Variants in NUP58 observed in about 807,000 individuals in gnomAD.
NUP58 encodes nucleoporin p58/p45.
Under a neutral mutation model 70.1 loss-of-function variants are expected in NUP58, and 17 were observed. The ratio of observed to expected loss-of-function variants is 0.24; its 90% CI spans 0.17 to 0.36. The LOEUF (loss-of-function observed/expected upper bound fraction) is 0.36, where lower values mean the gene tolerates loss of function less well. Among genes scored for constraint, NUP58 ranks in the 10% least tolerant of loss-of-function variants. NUP58 has a pLI of 1.00. For synonymous variants in NUP58, 275 were observed against 257.6 expected, an observed-to-expected ratio of 1.07 and a Z score of -0.65; for missense variants, 644 against 701.5, an observed-to-expected ratio of 0.92 and a Z score of 0.93.
At chr13:25,337,173 T>A in intron 14 of NUP58, 139 bp downstream of exon 14, 1 of 477,300 alleles carries the variant, frequency 2.1e-6, no homozygotes, top group Non-Finnish European at 3.7e-6. Context: ...TTCTCAAACA[T>A]AATTATTGCT....
chr13:25,308,069 C>G (rs1353507152), intron 2 of NUP58, 121 bp downstream of exon 2: 18 of 1,123,476 alleles, frequency 1.6e-5, no homozygotes, highest in Non-Finnish European at 2.2e-5. Flanking sequence ...ATGGTAAATG[C>G]TAAGATGAAA....
intron 6 of NUP58, chr13:25,317,893 T>G (rs4300485): frequency 0.88 from 124,592 of 142,150 alleles, 56,913 homozygotes; most frequent in Non-Finnish European, 1. Flanking sequence ...ATACAGTGAC[T>G]TGCTGTGTCA....
chr13:25,316,907 A>G (rs1043439653), intron 6 of NUP58, among the ~76,000 whole-genome samples: 4 of 152,236 alleles, frequency 2.6e-5, no homozygotes, highest in Non-Finnish European at 4.4e-5. Flanking sequence ...TAGATATGAC[A>G]TTAAATTTTA....
At chr13:25,332,562 T>G (rs2031646847) in intron 13 of NUP58, 1 of 985,224 alleles carries the variant, frequency 1.0e-6, no homozygotes, top group Admixed American at 6.2e-5. Flanking sequence ...ATATTTAGAT[T>G]GCATTCAAGC....
intron 12 of NUP58, among the ~76,000 whole-genome samples, chr13:25,330,665 A>C (rs2031569538): frequency 6.6e-6 from 1 of 152,226 alleles, no homozygotes; most frequent in Non-Finnish European, 1.5e-5. Context: ...TGCATTGGGT[A>C]AAAGCAGCTC....
chr13:25,302,874 C>T (rs2030098511), intron 1 of NUP58: 3 of 442,008 alleles, frequency 6.8e-6, no homozygotes, highest in South Asian at 3.3e-5. Flanking sequence ...ACTCGCTCAA[C>T]AACAGGTTCT....
Position 25,319,308 on chromosome 13 carries a change from G to A in NUP58, c.686-18G>A. On this transcript the variant is annotated intron_variant, in intron 6 of 15. Transcript: ENST00000381736. ...CAATTACCAATTTTTTTTACGTGAAGCTTCTTGAATTTTCTAGGTGATAAA... is the reference window on the plus strand; with the variant it reads ...CAATTACCAATTTTTTTTACGTGAAACTTCTTGAATTTTCTAGGTGATAAA... The A allele has an allele frequency of 1.9e-6, 3 of 1,611,426 alleles. No individual in the cohort carries two copies. Among genetic ancestry groups the A allele is most frequent in the Non-Finnish European group, 1.7e-6 (2 of 1,178,062 alleles).
intron 1 of NUP58, among the ~76,000 whole-genome samples, chr13:25,304,929 T>C (rs2030244434): frequency 6.6e-6 from 1 of 152,152 alleles, no homozygotes; most frequent in African/African-American, 2.4e-5. Context: ...TACTACCAGC[T>C]AAGCTAAATG....
chr13:25,347,727 A>C (rs1335330768), intron 3 of NUP58, among the ~76,000 whole-genome samples: 2 of 152,186 alleles, frequency 1.3e-5, no homozygotes, highest in East Asian at 3.9e-4. Context: ...AGAAGGCCAT[A>C]ATGGAGCTTG....
chr13:25,331,564 A>C lies in NUP58; in HGVS notation c.1435+6A>C. ...GCAGCAACAGCCTGCTACAGGTCTG[A>C]ACGCATTCAAGTTATAGCTTCTTAC... On this transcript the variant is annotated splice_donor_region_variant and intron_variant, in intron 13 of 15. Coordinates refer to ENST00000381736, the MANE Select transcript of NUP58 (RefSeq NM_014089.4). The C allele has an allele frequency of 1.2e-6, 2 of 1,613,232 alleles. No homozygotes were observed. Among genetic ancestry groups the C allele is most frequent in the Non-Finnish European group, 1.7e-6 (2 of 1,179,564 alleles).
At chr13:25,334,636 G>T in intron 13 of NUP58, 1 of 981,702 alleles carries the variant, frequency 1.0e-6, no homozygotes, top group African/African-American at 1.7e-5. Context: ...ATTTTAAAAT[G>T]TGACTTAGAA....
intron 7 of NUP58, 39 bp downstream of exon 7, chr13:25,319,389 A>C: frequency 6.4e-7 from 1 of 1,562,332 alleles, no homozygotes; most frequent in Non-Finnish European, 8.8e-7. Context: ...TTTTAATTGA[A>C]GAGTTTAACT....
At position 25,334,178 on chromosome 13, in the gene NUP58, G is replaced by A. The variant is rs2031706486; in HGVS notation, c.1435+2620G>A. ...CATGAGCATCGATAACGTGGATAAC[G>A]TAGTTCCATGTTGGCAGAACTTGAC... On this transcript the variant is annotated intron_variant, in intron 13 of 15. Transcript: ENST00000381736. 3 of 985,352 alleles carry A rather than the reference G, an allele frequency of 3.0e-6. 1 individual carries two copies. The highest frequency in any genetic ancestry group is 4.7e-5 in the South Asian group (1 of 21,290). The allele number at this position is 985,352 out of a possible 1,614,324, so 61.0% of individuals were successfully genotyped here.
intron 13 of NUP58, chr13:25,335,659 G>A (rs2031754763): frequency 5.1e-6 from 5 of 985,128 alleles, no homozygotes; most frequent in East Asian, 1.1e-4. Context: ...GAAGCTATTC[G>A]AAAAGTCCAG....
intron 1 of NUP58, chr13:25,303,242 T>TA (rs1397596559): frequency 2.6e-6 from 1 of 387,548 alleles, no homozygotes; most frequent in Non-Finnish European, 5.0e-6. Flanking sequence ...AAAAAAAACT[T>TA]ACCATAGTCT....
At chr13:25,334,793 C>A (rs990062637) in intron 13 of NUP58, 1 of 984,382 alleles carries the variant, frequency 1.0e-6, no homozygotes. Context: ...AGCGCTAAAC[C>A]TGGTTTTGTT....
intron 13 of NUP58, chr13:25,331,766 A>T: frequency 7.2e-7 from 1 of 1,396,648 alleles, no homozygotes; most frequent in East Asian, 2.7e-5. Context: ...TCAATTAGAT[A>T]TTGAATATTG....
At position 25,331,552 on chromosome 13, in the gene NUP58, G is replaced by T. The variant is rs1317311006; in HGVS notation, c.1429G>T (p.Ala477Ser). The T allele has an allele frequency of 6.2e-7, 1 of 1,613,740 alleles. No homozygotes were observed. The highest frequency in any genetic ancestry group is 2.2e-5 in the East Asian group (1 of 44,848). The change falls in exon 13 of 16, where the codon GCT becomes TCT. Residue 477 changes from alanine (A) to serine (S), a missense_variant. Ala to Ser is a moderately conservative substitution (Grantham distance 99, BLOSUM62 1). Transcript: ENST00000381736. ...AACACTTACACAGCAGCAACAGCCT[G>T]CTACAGGTCTGAACGCATTCAAGTT... Reference protein sequence around the residue: ...AATLTQQQQPATGPQPSLGVS... With the variant: ...AATLTQQQQPSTGPQPSLGVS...
chr13:25,307,211 A>T (rs201999931), intron 1 of NUP58, among the ~76,000 whole-genome samples: 289 of 98,510 alleles, frequency 2.9e-3, no homozygotes, highest in Middle Eastern at 0.01. Context: ...CTGGTATTGT[A>T]TTTTTTTTTT....
Sources: gnomAD v4.1 joint callset for allele counts (sites outside exome capture counted in the v4.1 genomes callset) on GRCh38, gnomAD v4.1.1 for gene constraint, MANE v1.5 for transcripts, NCBI Gene and HGNC (gene_info 2026-07-23, HGNC 2026-07-21) for gene names.